Variants in MDGA2 observed in about 807,000 individuals in gnomAD.
MDGA2 encodes the protein MAM domain-containing glycosylphosphatidylinositol anchor protein 2.
Under a neutral mutation model 117.8 loss-of-function variants are expected in MDGA2, and 40 were observed. The observed-to-expected ratio is 0.34, with a 90% CI of 0.26 to 0.44. The LOEUF is 0.44. Ranked by LOEUF, MDGA2 falls within the 20% of genes least tolerant of loss-of-function variation. The probability of loss-of-function intolerance (pLI) is 1.00; values close to 1 mark genes in which losing one functional copy is unlikely to be tolerated. For synonymous variants in MDGA2, 452 were observed against 439.0 expected, an observed-to-expected ratio of 1.03 and a Z score of -0.37; for missense variants, 1,123 against 1,250.6, an observed-to-expected ratio of 0.90 and a Z score of 1.54.
At chr14:47,353,692 C>G (rs894496754) in intron 1 of MDGA2, among the ~76,000 whole-genome samples, 1 of 152,064 alleles carries the variant, frequency 6.6e-6, no homozygotes, top group Admixed American at 6.5e-5. Context: ...AAAGAAAAGT[C>G]CAGAACCAGA....
At chr14:47,111,854 C>T (rs1038447587) in intron 5 of MDGA2, among the ~76,000 whole-genome samples, 1 of 151,910 alleles carries the variant, frequency 6.6e-6, no homozygotes, top group Non-Finnish European at 1.5e-5. Context: ...AACTATCACC[C>T]CAAAATGCCA....
Position 47,378,311 on chromosome 14 carries a change from C to G in MDGA2, c.281-76761G>C, listed in dbSNP as rs534181832. ...TAAAAATCAGAGCACCTCTTCTTCT[C>G]CAAAGGAACGCAGCTCCTTGCCAGC... On this transcript the variant is annotated intron_variant, in intron 1 of 16. Transcript: ENST00000399232. 6.1e-4 allele frequency among the ~76,000 whole-genome samples: 93 copies of G among 152,296 alleles called. 1 individual carries two copies. The highest frequency in any genetic ancestry group is 2.1e-3 in the African/African-American group (88 of 41,558).
At chr14:47,484,339 T>C (rs991743118) in intron 1 of MDGA2, among the ~76,000 whole-genome samples, 10 of 152,148 alleles carry the variant, frequency 6.6e-5, no homozygotes, top group African/African-American at 2.4e-4. Context: ...AGGGATATTT[T>C]ACAAGGTTGC....
intron 3 of MDGA2, among the ~76,000 whole-genome samples, chr14:47,180,651 G>T (rs1884663890): frequency 6.6e-6 from 1 of 152,030 alleles, no homozygotes; most frequent in African/African-American, 2.4e-5. Context: ...AGTCAGAATG[G>T]CTATTATTAA....
rs927434235 is a variant in MDGA2, at chr14:47,631,786, T to C, written c.280+42731A>G. On this transcript the variant is annotated intron_variant, in intron 1 of 16. Transcript: ENST00000399232. ...TGCAAGCTTCTTGTCTTGCACACAT[T>C]GATGCAAGACAAGGGTTTCTCATAA... Among the ~76,000 whole-genome samples, 9 of 152,262 alleles carry C rather than the reference T, an allele frequency of 5.9e-5. No individual in the cohort carries two copies. In the Middle Eastern group the frequency reaches 0.01, roughly 174 times the overall value.
At chr14:47,287,267 G>T (rs10483583) in intron 2 of MDGA2, among the ~76,000 whole-genome samples, 13,899 of 151,958 alleles carry the variant, frequency 0.091, 782 homozygotes, top group Non-Finnish European at 0.11. Flanking sequence ...TGACAAATAA[G>T]GTGTTTACTT....
At chr14:47,462,092 CA>C (rs1338725702) in intron 1 of MDGA2, among the ~76,000 whole-genome samples, 3 of 152,054 alleles carry the variant, frequency 2.0e-5, no homozygotes, top group Non-Finnish European at 4.4e-5. Flanking sequence ...CCTTTAAATC[CA>C]ACTTGCAAGC....
intron 4 of MDGA2, among the ~76,000 whole-genome samples, chr14:47,135,632 G>A (rs1882416082): frequency 1.3e-5 from 2 of 151,790 alleles, no homozygotes; most frequent in African/African-American, 4.8e-5. Flanking sequence ...GGTGGGCGGG[G>A]TCAAGGTTTA....
chr14:47,114,995 C>CA (rs76873374), intron 5 of MDGA2, among the ~76,000 whole-genome samples: 12,127 of 148,210 alleles, frequency 0.082, 969 homozygotes, highest in East Asian at 0.47. Flanking sequence ...AGCCAACCTA[C>CA]AAAATGGAAG....
intron 9 of MDGA2, among the ~76,000 whole-genome samples, chr14:46,927,356 G>C (rs1884371330): frequency 6.6e-6 from 1 of 151,982 alleles, no homozygotes; most frequent in African/African-American, 2.4e-5. Context: ...TATTTCATTG[G>C]CTTGAAAGAT....
chr14:47,487,627 A>G (rs1455164173), intron 1 of MDGA2, among the ~76,000 whole-genome samples: 1 of 152,210 alleles, frequency 6.6e-6, no homozygotes, highest in African/African-American at 2.4e-5. Flanking sequence ...GAATGGAAGA[A>G]TGGAAAAGAA....
At chr14:47,376,217 G>C (rs1315359246) in intron 1 of MDGA2, among the ~76,000 whole-genome samples, 1 of 152,042 alleles carries the variant, frequency 6.6e-6, no homozygotes, top group East Asian at 1.9e-4. Context: ...TTGAAAACCT[G>C]TGTGAATAGT....
intron 14 of MDGA2, among the ~76,000 whole-genome samples, chr14:46,863,180 C>A (rs2933212): frequency 1 from 151,700 of 151,932 alleles, 75,735 homozygotes; most frequent in Middle Eastern, 1. Context: ...CTATATAATT[C>A]CCTCTTTTGT....
At chr14:47,612,609 A>C (rs1896872325) in intron 1 of MDGA2, among the ~76,000 whole-genome samples, 1 of 152,136 alleles carries the variant, frequency 6.6e-6, no homozygotes, top group South Asian at 2.1e-4. Context: ...TAATTTTTTA[A>C]ATTACTGGCT....
intron 8 of MDGA2, among the ~76,000 whole-genome samples, chr14:46,990,145 G>A (rs1205184059): frequency 6.6e-6 from 1 of 151,998 alleles, no homozygotes; most frequent in African/African-American, 2.4e-5. Context: ...TTTCAATGAG[G>A]ATAACAGTGC....
intron 1 of MDGA2, among the ~76,000 whole-genome samples, chr14:47,618,586 T>G (rs1042916551): frequency 6.6e-6 from 1 of 152,238 alleles, no homozygotes; most frequent in Admixed American, 6.5e-5. Context: ...ATGTCGCTCA[T>G]TTTTGCAATT....
chr14:47,531,036 G>A (rs923977618), intron 1 of MDGA2, among the ~76,000 whole-genome samples: 5 of 152,052 alleles, frequency 3.3e-5, no homozygotes, highest in South Asian at 2.1e-4. Context: ...ACAAGGTCAG[G>A]AGATTGAGAC....
At chr14:46,999,076 C>T (rs1371701115) in intron 8 of MDGA2, among the ~76,000 whole-genome samples, 8 of 151,906 alleles carry the variant, frequency 5.3e-5, no homozygotes, top group Non-Finnish European at 1.0e-4. Context: ...CATACACTGG[C>T]TATTATTATT....
At chr14:47,072,101 T>TGC (rs1555349460) in intron 6 of MDGA2, among the ~76,000 whole-genome samples, 1 of 51,634 alleles carries the variant, frequency 1.9e-5, no homozygotes, top group Non-Finnish European at 3.7e-5. Context: ...TGTTGTTGTT[T>TGC]GGGGGGGGGG....
Sources: allele counts gnomAD v4.1 joint callset (sites outside exome capture counted in the v4.1 genomes callset), GRCh38; gene constraint gnomAD v4.1.1; transcripts MANE v1.5; gene names NCBI Gene and HGNC (gene_info 2026-07-23, HGNC 2026-07-21).